Variants in AP3S1 observed in about 807,000 individuals in gnomAD.
AP3S1 encodes AP-3 complex subunit sigma-1.
Under a neutral mutation model 21.3 loss-of-function variants are expected in AP3S1, and 12 were observed. That is an observed-to-expected ratio of 0.56 (90% confidence interval 0.36 to 0.91). AP3S1 has a LOEUF of 0.91. Among genes scored for constraint, AP3S1 ranks in the 40% least tolerant of loss-of-function variants. The pLI, the probability that AP3S1 is intolerant of heterozygous loss-of-function variation, is 0.01. For synonymous variants in AP3S1, 48 were observed against 78.4 expected, an observed-to-expected ratio of 0.61 and a Z score of 2.05; for missense variants, 116 against 225.0, an observed-to-expected ratio of 0.52 and a Z score of 3.10.
intron 3 of AP3S1, among the ~76,000 whole-genome samples, chr5:115,882,675 G>T (rs1358945190): frequency 2.6e-5 from 4 of 152,284 alleles, no homozygotes; most frequent in African/African-American, 9.6e-5. Flanking sequence ...GAGGCACGGG[G>T]GTCAGGGACC....
chr5:115,899,423 T>C (rs1580732350), intron 4 of AP3S1, among the ~76,000 whole-genome samples: 1 of 152,142 alleles, frequency 6.6e-6, no homozygotes, highest in African/African-American at 2.4e-5. Context: ...CTGGAGAAGA[T>C]AGAGTAACAC....
intron 3 of AP3S1, among the ~76,000 whole-genome samples, chr5:115,884,358 G>T (rs769725791): frequency 1.3e-5 from 2 of 152,184 alleles, no homozygotes; most frequent in African/African-American, 4.8e-5. Flanking sequence ...GAGGTCAGAA[G>T]TTTGAGACCA....
chr5:115,897,078 A>G (rs899404305), intron 4 of AP3S1, among the ~76,000 whole-genome samples: 1 of 152,228 alleles, frequency 6.6e-6, no homozygotes, highest in Non-Finnish European at 1.5e-5. Context: ...TTTTAGAAAA[A>G]TCAGAAAATA....
chr5:115,877,680 T>C (rs550637804), intron 3 of AP3S1, among the ~76,000 whole-genome samples: 1 of 152,342 alleles, frequency 6.6e-6, no homozygotes, highest in Admixed American at 6.5e-5. Flanking sequence ...TGTGTCTTTA[T>C]AGTAGAATGA....
intron 1 of AP3S1, among the ~76,000 whole-genome samples, chr5:115,860,550 CTCTT>C (rs1345104463): frequency 6.6e-6 from 1 of 152,146 alleles, no homozygotes; most frequent in Non-Finnish European, 1.5e-5. Flanking sequence ...TTACAGTACT[CTCTT>C]TATCTTCACT....
At chr5:115,913,249 C>G in intron 5 of AP3S1, 113 bp from the exon 6 acceptor site, 1 of 858,126 alleles carries the variant, frequency 1.2e-6, no homozygotes, top group African/African-American at 1.9e-5. Flanking sequence ...CCATCTGGTC[C>G]CTAAGCTTGT....
chr5:115,909,683 G>A (rs1052660555), intron 5 of AP3S1, among the ~76,000 whole-genome samples: 2 of 152,100 alleles, frequency 1.3e-5, no homozygotes, highest in Non-Finnish European at 2.9e-5. Flanking sequence ...TATTTCTGCT[G>A]TGTGTCAACT....
At chr5:115,861,809 A>AGTGTTGG (rs899941238) in intron 1 of AP3S1, among the ~76,000 whole-genome samples, 4 of 150,900 alleles carry the variant, frequency 2.7e-5, no homozygotes, top group Non-Finnish European at 5.9e-5. Context: ...AGCCTCCCAA[A>AGTGTTGG]GTGTTGGGAT....
intron 5 of AP3S1, among the ~76,000 whole-genome samples, chr5:115,911,410 A>G (rs1220700478): frequency 3.3e-5 from 5 of 152,002 alleles, no homozygotes; most frequent in Admixed American, 6.6e-5. Context: ...AAATATTTAT[A>G]CTCAAATATT....
intron 3 of AP3S1, among the ~76,000 whole-genome samples, chr5:115,875,849 G>A (rs1040541128): frequency 6.6e-6 from 1 of 152,130 alleles, no homozygotes; most frequent in African/African-American, 2.4e-5. Context: ...TGTTAGAGTT[G>A]TGCAGGATTC....
chr5:115,861,995 C>T (rs946940827), intron 1 of AP3S1, among the ~76,000 whole-genome samples: 3 of 151,284 alleles, frequency 2.0e-5, no homozygotes, highest in Non-Finnish European at 4.4e-5. Context: ...CCACTGTGCC[C>T]AACTCAGAAT....
intron 1 of AP3S1, among the ~76,000 whole-genome samples, chr5:115,844,177 A>T (rs145089275): frequency 6.6e-6 from 1 of 151,976 alleles, no homozygotes; most frequent in African/African-American, 2.4e-5. Flanking sequence ...GAGGGCAGTT[A>T]TTTTTTTTCA....
chr5:115,905,840 G>A (rs1337402279), intron 5 of AP3S1, among the ~76,000 whole-genome samples: 2 of 152,264 alleles, frequency 1.3e-5, no homozygotes, highest in Non-Finnish European at 2.9e-5. Context: ...CAGTTAAAAT[G>A]TATTATATAA....
At chr5:115,912,442 G>A (rs908864040) in intron 5 of AP3S1, among the ~76,000 whole-genome samples, 4 of 151,882 alleles carry the variant, frequency 2.6e-5, no homozygotes, top group Non-Finnish European at 4.4e-5. Context: ...TGAGAAAAAT[G>A]ATATGTATGC....
chr5:115,863,060 C>T (rs1763318968), intron 1 of AP3S1, among the ~76,000 whole-genome samples: 2 of 152,002 alleles, frequency 1.3e-5, no homozygotes, highest in South Asian at 2.1e-4. Context: ...GTCAGGAGTT[C>T]GAGACCAGCC....
intron 1 of AP3S1, among the ~76,000 whole-genome samples, chr5:115,843,593 T>C (rs1761822523): frequency 1.3e-5 from 2 of 152,356 alleles, no homozygotes; most frequent in East Asian, 1.9e-4. Flanking sequence ...CCAGCCTTTA[T>C]TGAAGGAGTC....
chr5:115,890,063 G>C (rs187475941), intron 3 of AP3S1, among the ~76,000 whole-genome samples: 51 of 150,986 alleles, frequency 3.4e-4, no homozygotes, highest in African/African-American at 1.2e-3. Flanking sequence ...GTCTAAGTGC[G>C]TATAATCGTT....
At chr5:115,882,670 A>G (rs1749409462) in intron 3 of AP3S1, among the ~76,000 whole-genome samples, 1 of 152,070 alleles carries the variant, frequency 6.6e-6, no homozygotes, top group African/African-American at 2.4e-5. Context: ...GTTAGGAGGC[A>G]CGGGGGTCAG....
intron 3 of AP3S1, among the ~76,000 whole-genome samples, chr5:115,878,773 T>C (rs1748993142): frequency 6.6e-6 from 1 of 152,206 alleles, no homozygotes; most frequent in Admixed American, 6.5e-5. Flanking sequence ...ATTGAATCTA[T>C]AAATTACGTT....
Sources: allele counts gnomAD v4.1 joint callset (sites outside exome capture counted in the v4.1 genomes callset), GRCh38; gene constraint gnomAD v4.1.1; transcripts MANE v1.5; gene names NCBI Gene and HGNC (gene_info 2026-07-23, HGNC 2026-07-21).